The following NAALADL2 variants were observed in gnomAD, a reference collection of about 807,000 sequenced individuals.
NAALADL2 encodes the protein N-acetylated alpha-linked acidic dipeptidase like 2.
NAALADL2 carries 76 observed loss-of-function variants against 87.2 expected under a neutral mutation model. That is an observed-to-expected ratio of 0.87 (90% CI 0.72 to 1.05). The LOEUF (loss-of-function observed/expected upper bound fraction) is 1.05. NAALADL2 is among the 50% of genes least tolerant of loss of function. The pLI is 0.00. For missense variants in NAALADL2, 1,089 were observed against 945.8 expected (o/e 1.15, Z -1.99); for synonymous variants, 354 against 331.0 (o/e 1.07, Z -0.75).
intron 4 of NAALADL2, among the ~76,000 whole-genome samples, chr3:175,303,805 A>G (rs1177606434): frequency 6.6e-6 from 1 of 152,166 alleles, no homozygotes; most frequent in Admixed American, 6.5e-5. Context: ...CAAGTCTGAA[A>G]TGATGTGACT....
chr3:174,804,616 C>T (rs1222575774), intron 3 of NAALADL2, among the ~76,000 whole-genome samples: 2 of 152,048 alleles, frequency 1.3e-5, no homozygotes, highest in African/African-American at 4.8e-5. Context: ...TCATAAATAG[C>T]TCTTACTATT....
intron 9 of NAALADL2, among the ~76,000 whole-genome samples, chr3:175,572,309 G>A (rs907763448): frequency 6.6e-6 from 1 of 151,412 alleles, no homozygotes. Flanking sequence ...TAGTCCACAT[G>A]TAGCATCAGA....
chr3:175,288,169 C>T (rs1755211188), intron 4 of NAALADL2, among the ~76,000 whole-genome samples: 3 of 152,080 alleles, frequency 2.0e-5, no homozygotes, highest in African/African-American at 4.8e-5. Flanking sequence ...GCAACCTCTG[C>T]CTCCCGGGTT....
intron 9 of NAALADL2, among the ~76,000 whole-genome samples, chr3:175,550,203 A>G (rs868263852): frequency 5.3e-5 from 8 of 152,174 alleles, no homozygotes; most frequent in Admixed American, 2.6e-4. Flanking sequence ...GTCAGAAAAT[A>G]TACTGTCAAC....
chr3:175,180,536 C>T (rs2108982689), intron 2 of NAALADL2, among the ~76,000 whole-genome samples: 1 of 152,006 alleles, frequency 6.6e-6, no homozygotes, highest in East Asian at 1.9e-4. Flanking sequence ...AGTGATCCTT[C>T]TGGAAAAGTT....
chr3:174,765,445 C>G (rs1321303484), intron 3 of NAALADL2, among the ~76,000 whole-genome samples: 1 of 152,164 alleles, frequency 6.6e-6, no homozygotes, highest in Non-Finnish European at 1.5e-5. Context: ...ATCTCCTCTA[C>G]TATCCTTGTC....
chr3:175,412,264 CGT>C (rs1229955063), intron 5 of NAALADL2, among the ~76,000 whole-genome samples: 1 of 152,118 alleles, frequency 6.6e-6, no homozygotes, highest in Non-Finnish European at 1.5e-5. Flanking sequence ...TGTATGTGCA[CGT>C]GCACGCGTAT....
intron 1 of NAALADL2, among the ~76,000 whole-genome samples, chr3:174,469,489 C>T (rs553663150): frequency 1.4e-3 from 218 of 151,224 alleles, no homozygotes; most frequent in Non-Finnish European, 2.5e-3. Context: ...AGTGCAGTGG[C>T]GGGATCTCAG....
intron 1 of NAALADL2, among the ~76,000 whole-genome samples, chr3:174,919,175 G>T (rs572187891): frequency 1.3e-5 from 2 of 152,168 alleles, no homozygotes; most frequent in East Asian, 3.9e-4. Context: ...ACTGATCGTG[G>T]TGGTGATTGC....
chr3:174,650,653 G>A lies in NAALADL2; in HGVS notation c.-114-86988G>A, dbSNP rs185635797. Among the ~76,000 whole-genome samples, 398 of 152,182 alleles carry A rather than the reference G, an allele frequency of 2.6e-3. 3 individuals carry two copies. Among genetic ancestry groups the A allele is most frequent in the African/African-American group, 9.3e-3 (387 of 41,552 alleles). The stretch of plus-strand genomic sequence containing the variant: ...TAATTGTTAACTTGCTGAGAAATGA[G>A]TTTATGTTATAGGAAATGTGAGTAG... On this transcript the variant is annotated intron_variant, in intron 2 of 3. Coordinates refer to the NAALADL2 transcript ENST00000434257.
intron 5 of NAALADL2, among the ~76,000 whole-genome samples, chr3:175,438,841 A>C (rs966215917): frequency 7.0e-6 from 1 of 142,790 alleles, no homozygotes; most frequent in Non-Finnish European, 1.5e-5. Context: ...TCATTTATTT[A>C]TGTATTTATG....
chr3:174,692,204 A>T (rs1728641640), intron 2 of NAALADL2: 1 of 152,178 alleles, frequency 6.6e-6, no homozygotes, highest in African/African-American at 2.4e-5. Flanking sequence ...TTCTTAAACA[A>T]TAAGACTTGA....
intron 9 of NAALADL2, among the ~76,000 whole-genome samples, chr3:175,532,773 T>G (rs1734261774): frequency 6.6e-6 from 1 of 152,204 alleles, no homozygotes; most frequent in African/African-American, 2.4e-5. Context: ...TGTATTTAAA[T>G]TTTGCAGCTG....
intron 12 of NAALADL2, among the ~76,000 whole-genome samples, chr3:175,740,275 A>G (rs778490096): frequency 2.0e-5 from 3 of 152,248 alleles, no homozygotes; most frequent in Non-Finnish European, 4.4e-5. Flanking sequence ...TGTGGAAATC[A>G]TTGGTGATCT....
At chr3:174,476,804 A>G (rs557835333) in intron 1 of NAALADL2, among the ~76,000 whole-genome samples, 1 of 152,204 alleles carries the variant, frequency 6.6e-6, no homozygotes, top group South Asian at 2.1e-4. Context: ...ATATGTAGTT[A>G]TGCATTGGCT....
intron 5 of NAALADL2, among the ~76,000 whole-genome samples, chr3:175,384,750 TTTTA>T (rs902372014): frequency 4.9e-4 from 74 of 151,172 alleles, no homozygotes; most frequent in African/African-American, 9.4e-4. Flanking sequence ...CCAATTTTTG[TTTTA>T]TTTATTTATT....
chr3:174,928,416 A>C (rs928949364), intron 1 of NAALADL2, among the ~76,000 whole-genome samples: 1 of 151,944 alleles, frequency 6.6e-6, no homozygotes, highest in Non-Finnish European at 1.5e-5. Flanking sequence ...ATTTTTTTGC[A>C]TTTTTAGTAG....
intron 3 of NAALADL2, among the ~76,000 whole-genome samples, chr3:174,802,686 T>C (rs1718983206): frequency 6.6e-6 from 1 of 152,194 alleles, no homozygotes; most frequent in African/African-American, 2.4e-5. Context: ...CCTGTGTCTA[T>C]GTGTTCCTGT....
At chr3:174,605,012 C>G (rs1439925674) in intron 2 of NAALADL2, among the ~76,000 whole-genome samples, 2 of 152,150 alleles carry the variant, frequency 1.3e-5, no homozygotes, top group Non-Finnish European at 2.9e-5. Flanking sequence ...CTCAGCCTCC[C>G]AAAGTACTGG....
Sources: gnomAD v4.1 joint callset for allele counts (sites outside exome capture counted in the v4.1 genomes callset) on GRCh38, gnomAD v4.1.1 for gene constraint, MANE v1.5 for transcripts, NCBI Gene and HGNC (gene_info 2026-07-23, HGNC 2026-07-21) for gene names.